BRF1: variants seen among roughly 807,000 people sequenced by gnomAD.
BRF1 encodes the protein BRF1 general transcription factor IIIB subunit.
BRF1 carries 59 observed loss-of-function variants against 81.7 expected under a neutral mutation model. The ratio of observed to expected loss-of-function variants is 0.72; its 90% CI spans 0.59 to 0.90. The LOEUF is 0.90. Among genes scored for constraint, BRF1 ranks in the 40% least tolerant of loss-of-function variants. The pLI, the probability that BRF1 is intolerant of heterozygous loss-of-function variation, is 0.00. For missense variants in BRF1, 1,050 were observed against 936.3 expected (o/e 1.12, Z -1.58); for synonymous variants, 491 against 395.6 (o/e 1.24, Z -2.86).
At chr14:105,281,015 G>T (rs1453603518) in intron 2 of BRF1, among the ~76,000 whole-genome samples, 3 of 144,332 alleles carry the variant, frequency 2.1e-5, no homozygotes, top group Non-Finnish European at 4.5e-5. Flanking sequence ...TACAGCCTGC[G>T]TGACCCTGAG....
At chr14:105,273,016 TCAC>T (rs2056725295) in intron 2 of BRF1, 122 bp from the exon 3 acceptor site, 1 of 1,142,092 alleles carries the variant, frequency 8.8e-7, no homozygotes, top group Non-Finnish European at 1.2e-6. Context: ...GTTTCTGAGC[TCAC>T]TTTTTATATG....
At chr14:105,295,180 T>G (rs1450720871) in intron 1 of BRF1, among the ~76,000 whole-genome samples, 6 of 151,452 alleles carry the variant, frequency 4.0e-5, no homozygotes, top group Admixed American at 4.0e-4. Context: ...CAACAGAACA[T>G]CCGGCGCTGA....
Position 105,249,767 on chromosome 14 carries a change from G to C in BRF1, c.544+2740C>G, listed in dbSNP as rs767275800. 2.5e-6 allele frequency: 4 copies of C among 1,613,876 alleles called. No individual in the cohort carries two copies. In the South Asian group the frequency reaches 4.4e-5, roughly 18 times the overall value. ...CAACTTTCTGGAGACAAGTTTGGAA[G>C]CCAAGAACGCCTGCGTCCTGCTGTC... On this transcript the variant is annotated intron_variant, in intron 5 of 17. Transcript: ENST00000547530.
At position 105,228,911 on chromosome 14, in the gene BRF1, G is replaced by A. The variant is rs765848072; in HGVS notation, c.697C>T (p.Leu233Phe). 1 of 1,613,530 alleles carries A rather than the reference G, an allele frequency of 6.2e-7. No individual in the cohort carries two copies. The highest frequency in any genetic ancestry group is 8.5e-7 in the Non-Finnish European group (1 of 1,179,996). The change falls in exon 7 of 18, where the codon CTC becomes TTC. Residue 233 changes from leucine to phenylalanine, a missense_variant and splice_region_variant. Leu to Phe is a conservative substitution (Grantham distance 22). Around this residue, in one of 2 missense-constraint regions of BRF1, gnomAD observed 1,043 missense variants for 915.4 expected, o/e 1.14. Coordinates refer to ENST00000547530, the MANE Select transcript of BRF1 (RefSeq NM_001519.4). ...TCATGCATTCTGGCTGCAACCAGGA[G>A]CGCTGGAAGGCAACGAGACGGGCCT... The part of the protein sequence containing the change: ...RRPSGLCGAA[L>F]LVAARMHDFR...
chr14:105,210,218 C>A lies in BRF1; in HGVS notation c.*333G>T. On this transcript the variant is annotated 3_prime_UTR_variant, in exon 18 of 18. Transcript: ENST00000547530. The surrounding 1 kb of genome is among the most constrained non-coding windows in gnomAD (Gnocchi z 4.7). ...CACACTTGGACCAGCAGTGGGGCTGCCCCAAGCCTGTTTCCTTAATAGTAG... is the reference window on the plus strand; with the variant it reads ...CACACTTGGACCAGCAGTGGGGCTGACCCAAGCCTGTTTCCTTAATAGTAG... 2.6e-6 allele frequency: 1 copy of A among 381,202 alleles called. No homozygotes were observed. The highest frequency in any genetic ancestry group is 6.0e-5 in the East Asian group (1 of 16,588). The allele number at this position is 381,202 out of a possible 1,614,324, so 23.6% of individuals were successfully genotyped here.
In BRF1 at chr14:105,272,825, T is replaced by C. The variant is rs765101934; in HGVS notation, c.335A>G (p.Asn112Ser). The C allele has an allele frequency of 1.9e-6, 3 of 1,614,006 alleles. No individual in the cohort carries two copies. The highest frequency in any genetic ancestry group is 2.5e-6 in the Non-Finnish European group (3 of 1,180,000). Residue 112 changes from asparagine to serine, a missense_variant, in exon 3 of 18, where the codon AAC becomes AGC. By Grantham distance (46) the Asn-to-Ser change is conservative. Around this residue, in one of 2 missense-constraint regions of BRF1, gnomAD observed 1,043 missense variants for 915.4 expected, o/e 1.14. Transcript: ENST00000547530. ...CCTGCTCACGGCCATCTTGAAGAAGTTGAAGGCGGTGTCCAGGCAGTGCTG... is the reference window on the plus strand; with the variant it reads ...CCTGCTCACGGCCATCTTGAAGAAGCTGAAGGCGGTGTCCAGGCAGTGCTG... The part of the protein sequence containing the change: ...LNQHCLDTAF[N>S]FFKMAVSRHL...
At position 105,241,204 on chromosome 14, in the gene BRF1, C is replaced by T. The variant is rs753739083; in HGVS notation, c.694+61G>A. 6.9e-6 allele frequency: 11 copies of T among 1,589,974 alleles called. 1 individual carries two copies. In the African/African-American group the frequency reaches 1.1e-4, roughly 15 times the overall value. On this transcript the variant is annotated intron_variant, in intron 6 of 17. Coordinates refer to ENST00000547530, the MANE Select transcript of BRF1 (RefSeq NM_001519.4). ...GCCCAGCCCACCAGCACTCAGGAGT[C>T]AGGAAAGTGTGAGGCCAGGACCCAG...
intron 7 of BRF1, chr14:105,228,050 A>C (rs1366721563): frequency 3.3e-5 from 5 of 152,030 alleles, no homozygotes; most frequent in African/African-American, 9.7e-5. Context: ...GCAAAGCCCC[A>C]CCCCTGCCTG....
intron 4 of BRF1, among the ~76,000 whole-genome samples, chr14:105,254,829 G>A (rs936806184): frequency 2.6e-5 from 4 of 151,680 alleles, no homozygotes; most frequent in Admixed American, 6.6e-5. Context: ...CCCAAAGTGC[G>A]GGGATTACAG....
chr14:105,249,660 T>C (rs764820352), intron 5 of BRF1: 2 of 1,612,490 alleles, frequency 1.2e-6, no homozygotes, highest in Admixed American at 1.7e-5. Flanking sequence ...AGTGATGAGA[T>C]CGATCTGGAA....
chr14:105,229,054 C>T, intron 6 of BRF1, 141 bp from the exon 7 acceptor site: 2 of 756,812 alleles, frequency 2.6e-6, no homozygotes, highest in Non-Finnish European at 2.3e-6. Flanking sequence ...GTGAGACCCT[C>T]ACTTGGCATG....
chr14:105,226,812 G>A, intron 7 of BRF1, 52 bp from the exon 8 acceptor site: 1 of 1,611,014 alleles, frequency 6.2e-7, no homozygotes, highest in Non-Finnish European at 8.5e-7. Context: ...GAAACCAGCT[G>A]TTTAAAACTG....
chr14:105,209,847 A>G lies in BRF1; in HGVS notation c.*704T>C, dbSNP rs8013180. On this transcript the variant is annotated 3_prime_UTR_variant, in exon 18 of 18. Transcript: ENST00000547530. ...CAGCCGCAGGGCTCCTGGGCCCACA[A>G]CTCAAGTGGCCCTGGAGCAGGGGTC... 4,218 of 478,114 alleles carry G rather than the reference A, an allele frequency of 8.8e-3. 163 individuals carry two copies. Among genetic ancestry groups the G allele is most frequent in the African/African-American group, 0.078 (3,860 of 49,352 alleles). 29.6% of individuals were successfully genotyped at this position (478,114 alleles called of 1,614,324 possible).
At chr14:105,312,471 C>T (rs1235581452) in intron 1 of BRF1, among the ~76,000 whole-genome samples, 1 of 152,212 alleles carries the variant, frequency 6.6e-6, no homozygotes, top group Non-Finnish European at 1.5e-5. Context: ...CCAGCCACCC[C>T]AGTCATCCGA....
In BRF1 at chr14:105,210,264, T is replaced by C. The variant is rs1889914833; in HGVS notation, c.*287A>G. The C allele has an allele frequency of 2.1e-6, 1 of 469,780 alleles. No individual in the cohort carries two copies. 29.1% of individuals were successfully genotyped at this position (469,780 alleles called of 1,614,324 possible). On this transcript the variant is annotated 3_prime_UTR_variant, in exon 18 of 18. Transcript: ENST00000547530. The surrounding 1 kb of genome is among the most constrained non-coding windows in gnomAD (Gnocchi z 4.7). ...AGTAGCAACACCACACTGCCAGCCT[T>C]GGAGGGTCCTTGGATGAGTCGACGG...
rs1394435114 is a variant in BRF1, at chr14:105,300,739, C to T, written c.-110G>A. On this transcript the variant is annotated 5_prime_UTR_variant, in exon 1 of 18. Coordinates refer to ENST00000547530, the MANE Select transcript of BRF1 (RefSeq NM_001519.4). Reference sequence around the variant, plus strand: ...AGGCCCAGCCGCCCAGGCCTCGCCGCTCTCGCGAGGCCCCGCTCCAGCCGA... The same window carrying T: ...AGGCCCAGCCGCCCAGGCCTCGCCGTTCTCGCGAGGCCCCGCTCCAGCCGA... The T allele has an allele frequency of 1.2e-6, 1 of 850,994 alleles. No individual in the cohort carries two copies. Among genetic ancestry groups the T allele is most frequent in the African/African-American group, 1.8e-5 (1 of 55,992 alleles). 52.7% of individuals were successfully genotyped at this position (850,994 alleles called of 1,614,324 possible).
At chr14:105,246,346 A>T (rs1323960572) in intron 5 of BRF1, among the ~76,000 whole-genome samples, 1 of 152,100 alleles carries the variant, frequency 6.6e-6, no homozygotes, top group Non-Finnish European at 1.5e-5. Flanking sequence ...ACCACATGAC[A>T]CTACCTCATG....
intron 15 of BRF1, chr14:105,213,308 G>A (rs909824112): frequency 7.2e-5 from 11 of 152,388 alleles, no homozygotes; most frequent in South Asian, 4.1e-4. Context: ...GATCTTGGCC[G>A]GTGGGACTAA....
chr14:105,249,999 G>C lies in BRF1; in HGVS notation c.544+2508C>G, dbSNP rs367672327. On this transcript the variant is annotated intron_variant, in intron 5 of 17. Coordinates refer to ENST00000547530, the MANE Select transcript of BRF1 (RefSeq NM_001519.4). ...AACTGGGCCGAGGCGGAGTGCAAGA[G>C]GCAGGGGCTGCCAATCACCCCACGA... 3 of 1,612,688 alleles carry C rather than the reference G, an allele frequency of 1.9e-6. No homozygotes were observed. The African/African-American group carries it at 4.0e-5, about 22-fold the overall frequency.
Sources: allele counts gnomAD v4.1 joint callset (sites outside exome capture counted in the v4.1 genomes callset), GRCh38; gene constraint gnomAD v4.1.1; regional missense constraint gnomAD v4.1.1; non-coding constraint Gnocchi (gnomAD v3.1); transcripts MANE v1.5; gene names NCBI Gene and HGNC (gene_info 2026-07-23, HGNC 2026-07-21).